The following CCDC178 variants were observed in gnomAD, a reference collection of about 807,000 sequenced individuals.
CCDC178 encodes coiled-coil domain-containing protein 178.
A neutral mutation model predicts 117.4 loss-of-function variants in CCDC178; 126 were observed. The observed-to-expected ratio is 1.07, with a 90% confidence interval of 0.93 to 1.24. CCDC178 has a LOEUF of 1.24. CCDC178 is among the 50% of genes most tolerant of loss of function. CCDC178 has a pLI of 0.00. For missense variants in CCDC178, 1,030 were observed against 986.9 expected, an observed-to-expected ratio of 1.04 and a Z score of -0.59; for synonymous variants, 283 against 313.4, an observed-to-expected ratio of 0.90 and a Z score of 1.02.
At chr18:33,258,450 G>C (rs4564653) in intron 14 of CCDC178, among the ~76,000 whole-genome samples, 126,304 of 152,174 alleles carry the variant, frequency 0.83, 53,211 homozygotes, top group South Asian at 0.93. Flanking sequence ...GTTTCTCAAA[G>C]AGGTGACACC....
intron 9 of CCDC178, among the ~76,000 whole-genome samples, chr18:33,337,884 G>T (rs1033894954): frequency 3.3e-5 from 5 of 151,984 alleles, no homozygotes; most frequent in Admixed American, 2.0e-4. Flanking sequence ...AAAAGCAAAC[G>T]CAACAAAAAC....
chr18:33,044,063 G>C (rs569939752), intron 21 of CCDC178, among the ~76,000 whole-genome samples: 6 of 149,632 alleles, frequency 4.0e-5, no homozygotes, highest in Non-Finnish European at 6.0e-5. Flanking sequence ...GTGTGTGTGT[G>C]TGTGTATGTG....
intron 2 of CCDC178, among the ~76,000 whole-genome samples, chr18:33,424,620 A>G (rs939933825): frequency 2.6e-5 from 4 of 152,194 alleles, no homozygotes. Context: ...GAGAACCACA[A>G]CTGTCCATCT....
At chr18:33,329,519 ATTGT>A (rs1381334081) in intron 10 of CCDC178, among the ~76,000 whole-genome samples, 4 of 152,120 alleles carry the variant, frequency 2.6e-5, no homozygotes, top group Non-Finnish European at 5.9e-5. Context: ...GACTTTGTCC[ATTGT>A]TTGTTCTTCA....
intron 5 of CCDC178, among the ~76,000 whole-genome samples, chr18:33,384,585 A>G (rs1472054136): frequency 6.6e-6 from 1 of 152,226 alleles, no homozygotes; most frequent in Admixed American, 6.5e-5. Context: ...AAGAAATTCC[A>G]ACCCAGAATT....
intron 21 of CCDC178, among the ~76,000 whole-genome samples, chr18:33,020,831 T>C (rs551499911): frequency 6.6e-6 from 1 of 152,346 alleles, no homozygotes; most frequent in Admixed American, 6.5e-5. Context: ...TTTTAGGTTG[T>C]ATTTACTGAC....
chr18:33,341,498 G>T (rs1479016643), intron 9 of CCDC178, among the ~76,000 whole-genome samples: 2 of 152,118 alleles, frequency 1.3e-5, no homozygotes, highest in Non-Finnish European at 2.9e-5. Context: ...ATATAGTTTG[G>T]CTGTGTCTCC....
rs114083996 is a variant in CCDC178 at position 33,412,533 on chromosome 18, A to C, written c.-22-423T>G. 9.9e-3 allele frequency among the ~76,000 whole-genome samples: 1,507 copies of C among 152,238 alleles called. 31 individuals are homozygous for C. Among genetic ancestry groups the C allele is most frequent in the African/African-American group, 0.035 (1,434 of 41,552 alleles). On this transcript the variant is annotated intron_variant, in intron 2 of 22. Coordinates refer to ENST00000383096, the MANE Select transcript of CCDC178 (RefSeq NM_001105528.4). ...TTAAAATATTTTAAGAGTAGAGCAAAAAGTGCAATGGATTTCTATATCTCC... is the reference window on the plus strand; with the variant it reads ...TTAAAATATTTTAAGAGTAGAGCAACAAGTGCAATGGATTTCTATATCTCC...
intron 7 of CCDC178, among the ~76,000 whole-genome samples, chr18:33,351,338 G>A (rs1226557810): frequency 2.6e-5 from 4 of 151,898 alleles, no homozygotes; most frequent in East Asian, 1.9e-4. Flanking sequence ...GATTACAGGC[G>A]CCCGCCATCA....
chr18:33,122,415 G>C (rs769872324), intron 20 of CCDC178, among the ~76,000 whole-genome samples: 154 of 151,988 alleles, frequency 1.0e-3, no homozygotes, highest in Non-Finnish European at 1.2e-3. Flanking sequence ...TGAAATTATT[G>C]GTGCAGAATT....
At chr18:32,963,855 A>G (rs1001942200) in intron 22 of CCDC178, among the ~76,000 whole-genome samples, 16 of 152,130 alleles carry the variant, frequency 1.1e-4, no homozygotes, top group African/African-American at 3.9e-4. Context: ...TGCCTTTCAT[A>G]TTGTGGGAAT....
In CCDC178 at chr18:33,288,450, CCTTT is replaced by C. The variant is rs1305924771; in HGVS notation, c.1176+4705_1176+4708del. Among the ~76,000 whole-genome samples the C allele has an allele frequency of 3.2e-5, 4 of 125,004 alleles. No individual in the cohort carries two copies. The Admixed American group carries it at 3.3e-4, about 10-fold the overall frequency. The allele number at this position is 125,004 out of a possible 152,430, so 82.0% of individuals were successfully genotyped here. A position where few individuals can be genotyped will look rare whatever the true frequency, so the allele number is the denominator to read the frequency against. Reference sequence around the variant, plus strand: ...TCTCCTTCCCTCCCCTTCCTTCCTTCCTTTTCTTCCCTCTCTCTCCTTCCCTTTC... The same window carrying C: ...TCTCCTTCCCTCCCCTTCCTTCCTTCTCTTCCCTCTCTCTCCTTCCCTTTC... On this transcript the variant is annotated intron_variant, in intron 12 of 22. Transcript: ENST00000383096.
chr18:33,019,672 T>C (rs1469024739), intron 21 of CCDC178, among the ~76,000 whole-genome samples: 2 of 152,142 alleles, frequency 1.3e-5, no homozygotes, highest in East Asian at 3.9e-4. Context: ...CTCTATGGAG[T>C]GTTACTTCCT....
chr18:33,301,932 G>A (rs2062182650), intron 11 of CCDC178, among the ~76,000 whole-genome samples: 1 of 152,088 alleles, frequency 6.6e-6, no homozygotes, highest in Non-Finnish European at 1.5e-5. Context: ...AGGAACCAAG[G>A]GTGGAATGAT....
At chr18:32,966,503 T>A (rs2054816473) in intron 22 of CCDC178, among the ~76,000 whole-genome samples, 1 of 151,926 alleles carries the variant, frequency 6.6e-6, no homozygotes, top group African/African-American at 2.4e-5. Context: ...GATCTTTCTA[T>A]CCATTCTTGC....
chr18:32,947,916 A>T (rs1411263876), intron 22 of CCDC178, among the ~76,000 whole-genome samples: 1 of 152,128 alleles, frequency 6.6e-6, no homozygotes. Context: ...TTATTTTCAC[A>T]TAGATATGCA....
intron 18 of CCDC178, among the ~76,000 whole-genome samples, chr18:33,218,537 C>T (rs1343514327): frequency 2.0e-5 from 3 of 152,026 alleles, no homozygotes; most frequent in Non-Finnish European, 4.4e-5. Context: ...ATGCCTATGT[C>T]CTGAATGGTA....
At chr18:33,413,844 AC>A (rs1007954425) in intron 2 of CCDC178, among the ~76,000 whole-genome samples, 2 of 152,132 alleles carry the variant, frequency 1.3e-5, no homozygotes, top group Non-Finnish European at 2.9e-5. Flanking sequence ...TAGGACTGAG[AC>A]CCCAAAAGTC....
chr18:33,239,717 T>G (rs777298857), intron 15 of CCDC178, among the ~76,000 whole-genome samples: 5 of 151,626 alleles, frequency 3.3e-5, no homozygotes, highest in Non-Finnish European at 5.9e-5. Context: ...ATAAAGCAAC[T>G]ATTATTAGAT....
Sources: gnomAD v4.1 joint callset for allele counts (sites outside exome capture counted in the v4.1 genomes callset) on GRCh38, gnomAD v4.1.1 for gene constraint, MANE v1.5 for transcripts, NCBI Gene and HGNC (gene_info 2026-07-23, HGNC 2026-07-21) for gene names.